The following CCDC148 variants were observed in gnomAD, a reference collection of about 807,000 sequenced individuals.
CCDC148 encodes the protein coiled-coil domain-containing protein 148.
In CCDC148, 89 loss-of-function variants were observed where a neutral mutation model predicts 85.7. The ratio of observed to expected loss-of-function variants is 1.04; its 90% CI spans 0.87 to 1.24. The LOEUF is 1.24. Ranked by LOEUF, CCDC148 falls within the 50% of genes most tolerant of loss-of-function variation. CCDC148 has a pLI of 0.00. For synonymous variants in CCDC148, 230 were observed against 213.9 expected (o/e 1.08, Z -0.66); for missense variants, 692 against 671.7 (o/e 1.03, Z -0.33).
chr2:158,429,968 T>C (rs932674504), intron 1 of CCDC148, among the ~76,000 whole-genome samples: 1 of 152,094 alleles, frequency 6.6e-6, no homozygotes, highest in African/African-American at 2.4e-5. Flanking sequence ...CATCTGGAAG[T>C]TGTGAAGCAG....
chr2:158,301,032 A>G (rs985172890), intron 9 of CCDC148, among the ~76,000 whole-genome samples: 6 of 152,192 alleles, frequency 3.9e-5, no homozygotes, highest in Non-Finnish European at 7.4e-5. Context: ...TTTTTTAAAC[A>G]CTTTTTTGTA....
At chr2:158,202,328 T>G (rs1301842738) in intron 11 of CCDC148, among the ~76,000 whole-genome samples, 2 of 152,200 alleles carry the variant, frequency 1.3e-5, no homozygotes, top group Non-Finnish European at 2.9e-5. Context: ...GCTCTGAGTG[T>G]TATACTGTGG....
intron 10 of CCDC148, among the ~76,000 whole-genome samples, chr2:158,248,719 C>T (rs970900755): frequency 1.4e-4 from 22 of 152,092 alleles, no homozygotes; most frequent in Admixed American, 1.2e-3. Flanking sequence ...TACTTTAATG[C>T]TCATAGGTAT....
In CCDC148 at chr2:158,309,546, T is replaced by C. The variant is rs374839022; in HGVS notation, c.997A>G (p.Ile333Val). The C allele has an allele frequency of 1.2e-5, 20 of 1,613,702 alleles. No homozygotes were observed. The highest frequency in any genetic ancestry group is 1.7e-5 in the Non-Finnish European group (20 of 1,179,722). The change falls in exon 9 of 14, where the codon ATA becomes GTA. Residue 333 changes from isoleucine to valine, a missense_variant. Physicochemically the swap from Ile to Val is conservative, Grantham distance 29 (BLOSUM62 3). Transcript: ENST00000283233. The stretch of plus-strand genomic sequence containing the variant: ...GTGAGTGTCAGCACAGCCTTCTGTA[T>C]AAAGTCTTTCTTATTTTTATTCCAA... ...SNWNKNKKDF[I>V]QKAVLTLTEA...
chr2:158,221,213 G>A (rs1261232649), intron 10 of CCDC148, among the ~76,000 whole-genome samples: 1 of 152,186 alleles, frequency 6.6e-6, no homozygotes, highest in African/African-American at 2.4e-5. Flanking sequence ...TAGGTGGGAG[G>A]AAGGAGGAAA....
chr2:158,451,045 A>G (rs1266966574), intron 1 of CCDC148, among the ~76,000 whole-genome samples: 1 of 152,000 alleles, frequency 6.6e-6, no homozygotes, highest in Non-Finnish European at 1.5e-5. Context: ...CTTCAAGTTC[A>G]CTGATTTCTT....
At chr2:158,215,632 T>G (rs1254202595) in intron 11 of CCDC148, among the ~76,000 whole-genome samples, 1 of 152,152 alleles carries the variant, frequency 6.6e-6, no homozygotes, top group Admixed American at 6.5e-5. Flanking sequence ...GCCACGTTGG[T>G]GTGCTGCACC....
intron 1 of CCDC148, among the ~76,000 whole-genome samples, chr2:158,373,227 G>A (rs1298743361): frequency 1.3e-5 from 2 of 151,940 alleles, no homozygotes; most frequent in Admixed American, 1.3e-4. Context: ...CCCAAACAAT[G>A]CAGGTAGCCT....
chr2:158,331,335 C>G (rs13407413), intron 7 of CCDC148, among the ~76,000 whole-genome samples: 6,672 of 152,188 alleles, frequency 0.044, 248 homozygotes, highest in African/African-American at 0.098. Flanking sequence ...GTTTCTTAAT[C>G]CTGAGTTCTA....
intron 10 of CCDC148, among the ~76,000 whole-genome samples, chr2:158,238,971 GT>G (rs1417894511): frequency 6.6e-6 from 1 of 152,100 alleles, no homozygotes; most frequent in African/African-American, 2.4e-5. Context: ...CACACTTAAT[GT>G]TCATGTGACT....
At chr2:158,277,448 T>C (rs1160196768) in intron 9 of CCDC148, among the ~76,000 whole-genome samples, 2 of 152,326 alleles carry the variant, frequency 1.3e-5, no homozygotes, top group South Asian at 4.1e-4. Flanking sequence ...ATATATACTA[T>C]GGTCATTTTT....
At chr2:158,252,677 T>C (rs13008866) in intron 9 of CCDC148, among the ~76,000 whole-genome samples, 49,421 of 151,546 alleles carry the variant, frequency 0.33, 9,918 homozygotes, top group South Asian at 0.59. Flanking sequence ...CTTCTTCCTG[T>C]TTCCTGTGTC....
At chr2:158,411,590 A>G (rs542485521) in intron 1 of CCDC148, among the ~76,000 whole-genome samples, 1 of 151,828 alleles carries the variant, frequency 6.6e-6, no homozygotes, top group East Asian at 1.9e-4. Flanking sequence ...TGTTTTCCTA[A>G]TTTCATTAAG....
chr2:158,179,166 A>ATTTTTTTTTTTT lies in CCDC148; in HGVS notation c.1371-182_1371-171dup, dbSNP rs10699879. On this transcript the variant is annotated intron_variant, in intron 11 of 13. Coordinates refer to ENST00000283233, the MANE Select transcript of CCDC148 (RefSeq NM_138803.4). ...ATAAAAGACACTCATATAAAATGCA[A>ATTTTTTTTTTTT]TTTTTTTTTTTTTTTTTTTTTTTGA... Among the ~76,000 whole-genome samples, 722 of 82,800 alleles carry ATTTTTTTTTTTT rather than the reference A, an allele frequency of 8.7e-3. 93 individuals are homozygous for ATTTTTTTTTTTT. The highest frequency in any genetic ancestry group is 0.012 in the Non-Finnish European group (562 of 45,968). The allele number at this position is 82,800 out of a possible 152,430, so 54.3% of individuals were successfully genotyped here. A position where few individuals can be genotyped will look rare whatever the true frequency, so the allele number is the denominator to read the frequency against.
At position 158,414,839 on chromosome 2, in the gene CCDC148, T is replaced by G. The variant is rs1339761792; in HGVS notation, c.25+41576A>C. ...GTTTCCATCATCCATGATCTGAAAC[T>G]TTAGCATTTCTCCTAAGGAAAAATA... On this transcript the variant is annotated intron_variant, in intron 1 of 13. Transcript: ENST00000283233. 7.2e-5 allele frequency among the ~76,000 whole-genome samples: 11 copies of G among 152,278 alleles called. No individual in the cohort carries two copies. In the South Asian group the frequency reaches 2.3e-3, roughly 32 times the overall value.
intron 1 of CCDC148, among the ~76,000 whole-genome samples, chr2:158,455,133 T>C (rs10432566): frequency 0.39 from 58,677 of 152,100 alleles, 12,091 homozygotes; most frequent in East Asian, 0.68. Context: ...TCATTAAACA[T>C]GTGTCTCATA....
intron 9 of CCDC148, among the ~76,000 whole-genome samples, chr2:158,295,002 T>C (rs1384588457): frequency 6.6e-6 from 1 of 152,152 alleles, no homozygotes. Flanking sequence ...CCTGTATTTT[T>C]CTACTAATTA....
intron 11 of CCDC148, among the ~76,000 whole-genome samples, chr2:158,181,032 A>G (rs1684876485): frequency 6.6e-6 from 1 of 152,036 alleles, no homozygotes; most frequent in Admixed American, 6.6e-5. Context: ...ACATGACACA[A>G]CCTCCCTAAT....
At chr2:158,263,789 G>A (rs1689339155) in intron 9 of CCDC148, among the ~76,000 whole-genome samples, 1 of 151,920 alleles carries the variant, frequency 6.6e-6, no homozygotes, top group African/African-American at 2.4e-5. Flanking sequence ...AAGTTAAATG[G>A]ATTACAAAGA....
Sources: gnomAD v4.1 joint callset for allele counts (sites outside exome capture counted in the v4.1 genomes callset) on GRCh38, gnomAD v4.1.1 for gene constraint, MANE v1.5 for transcripts, NCBI Gene and HGNC (gene_info 2026-07-23, HGNC 2026-07-21) for gene names.